PTPRE: variants seen among roughly 807,000 people sequenced by gnomAD.
PTPRE encodes the protein receptor-type tyrosine-protein phosphatase epsilon.
In PTPRE, 51 loss-of-function variants were observed where a neutral mutation model predicts 102.0. The ratio of observed to expected loss-of-function variants is 0.50; its 90% confidence interval spans 0.40 to 0.63. The LOEUF is 0.63. Among genes scored for constraint, PTPRE ranks in the 30% least tolerant of loss-of-function variants. The probability of loss-of-function intolerance (pLI) is 0.00; values close to 1 mark genes in which losing one functional copy is unlikely to be tolerated. For synonymous variants in PTPRE, 345 were observed against 348.2 expected (o/e 0.99, Z 0.10); for missense variants, 752 against 915.1 (o/e 0.82, Z 2.30).
At chr10:128,011,808 C>A (rs1305568404) in intron 2 of PTPRE, among the ~76,000 whole-genome samples, 2 of 152,228 alleles carry the variant, frequency 1.3e-5, no homozygotes, top group African/African-American at 4.8e-5. Flanking sequence ...GTGCCTCACA[C>A]GTGCCAGTTC....
intron 1 of PTPRE, among the ~76,000 whole-genome samples, chr10:127,977,866 G>T (rs940019170): frequency 6.6e-6 from 1 of 152,168 alleles, no homozygotes; most frequent in Non-Finnish European, 1.5e-5. Context: ...CCAGGGCCTT[G>T]TCGGGCTCCC....
intron 1 of PTPRE, among the ~76,000 whole-genome samples, chr10:127,920,937 C>T (rs1169836703): frequency 6.6e-6 from 1 of 152,206 alleles, no homozygotes; most frequent in Non-Finnish European, 1.5e-5. Flanking sequence ...CCCTACAGAT[C>T]AACCCAGACA....
At chr10:127,943,799 G>A (rs558647266) in intron 1 of PTPRE, among the ~76,000 whole-genome samples, 12 of 152,278 alleles carry the variant, frequency 7.9e-5, no homozygotes, top group Non-Finnish European at 1.2e-4. Context: ...ACATTTGCTA[G>A]TCTCAGAACA....
chr10:127,934,878 A>C (rs1847728141), intron 1 of PTPRE: 1 of 152,206 alleles, frequency 6.6e-6, no homozygotes, highest in Non-Finnish European at 1.5e-5. Flanking sequence ...GGTTCCCTTA[A>C]GGCTCCGGCT....
intron 1 of PTPRE, among the ~76,000 whole-genome samples, chr10:127,917,099 T>C (rs922435473): frequency 2.0e-5 from 3 of 151,824 alleles, no homozygotes; most frequent in African/African-American, 7.3e-5. Context: ...ATAGGCAACA[T>C]GACCATGTGG....
intron 2 of PTPRE, among the ~76,000 whole-genome samples, chr10:128,039,468 T>G (rs1210307207): frequency 6.6e-6 from 1 of 152,208 alleles, no homozygotes; most frequent in Non-Finnish European, 1.5e-5. Flanking sequence ...AAAATGTGTG[T>G]TTTGGAAATA....
Position 128,063,262 on chromosome 10 carries a change from T to A in PTPRE, c.723+82T>A. 1.9e-6 allele frequency: 3 copies of A among 1,556,938 alleles called. No individual in the cohort carries two copies. The East Asian group carries it at 7.0e-5, about 36-fold the overall frequency. On this transcript the variant is annotated intron_variant, in intron 10 of 20. Coordinates refer to ENST00000254667, the MANE Select transcript of PTPRE (RefSeq NM_006504.6). ...TGGGGATGTTCTTACCACTTCCTTT[T>A]CCTACTTCCCTCCCTTCCTCCCACT...
At chr10:128,000,841 C>T (rs1278974296) in intron 2 of PTPRE, among the ~76,000 whole-genome samples, 1 of 152,226 alleles carries the variant, frequency 6.6e-6, no homozygotes, top group East Asian at 1.9e-4. Flanking sequence ...GCCTCACTCA[C>T]TTGGGCAACT....
At chr10:127,947,033 A>T (rs1230004429) in intron 1 of PTPRE, among the ~76,000 whole-genome samples, 1 of 152,098 alleles carries the variant, frequency 6.6e-6, no homozygotes, top group Non-Finnish European at 1.5e-5. Context: ...AAAAAAAAAA[A>T]AAAGCTATAT....
rs1270024259 is a variant in PTPRE, at chr10:128,060,988, A to C, written c.561A>C (p.Ser187=). ...ILSQLDGIPC[S]DYINASYIDG... ...GCCAACTGGATGGAATTCCCTGTTC[A>C]GACTACATCAATGCTTCCTACATAG... is the stretch of plus-strand genomic sequence containing the variant. Residue 187 remains serine (S), a synonymous_variant, in exon 8 of 21, where the codon TCA becomes TCC. Coordinates refer to ENST00000254667, the MANE Select transcript of PTPRE (RefSeq NM_006504.6). 6.2e-7 allele frequency: 1 copy of C among 1,614,164 alleles called. No homozygotes were observed. The highest frequency in any genetic ancestry group is 8.5e-7 in the Non-Finnish European group (1 of 1,180,012).
At chr10:128,067,395 C>CAT (rs1554944975) in intron 11 of PTPRE, among the ~76,000 whole-genome samples, 940 of 46,656 alleles carry the variant, frequency 0.02, 16 homozygotes, top group African/African-American at 0.045. Context: ...CATGTGCACA[C>CAT]ACACATACAC....
intron 1 of PTPRE, among the ~76,000 whole-genome samples, chr10:127,964,068 T>C (rs1850049519): frequency 6.6e-6 from 1 of 152,236 alleles, no homozygotes; most frequent in Admixed American, 6.5e-5. Context: ...AGACCACTCC[T>C]TGCAAAGATG....
At position 128,076,592 on chromosome 10, in the gene PTPRE, T is replaced by C. The variant is rs745654246; in HGVS notation, c.1600-11T>C. The stretch of plus-strand genomic sequence containing the variant: ...TATTACAAGACTTAAATTTTTATTT[T>C]ATCCCCTAAGGATAAATGCTACCAG... On this transcript the variant is annotated splice_polypyrimidine_tract_variant and intron_variant, in intron 17 of 20. Coordinates refer to ENST00000254667, the MANE Select transcript of PTPRE (RefSeq NM_006504.6). The C allele has an allele frequency of 6.4e-7, 1 of 1,560,678 alleles. No individual in the cohort carries two copies. The highest frequency in any genetic ancestry group is 8.6e-7 in the Non-Finnish European group (1 of 1,162,368).
At chr10:127,964,304 G>A (rs1222587590) in intron 1 of PTPRE, among the ~76,000 whole-genome samples, 1 of 151,938 alleles carries the variant, frequency 6.6e-6, no homozygotes, top group Non-Finnish European at 1.5e-5. Context: ...AGAGTAGCTG[G>A]GATTACAGGA....
chr10:127,924,149 G>A (rs976615389), intron 1 of PTPRE, among the ~76,000 whole-genome samples: 17 of 152,156 alleles, frequency 1.1e-4, no homozygotes, highest in Admixed American at 4.6e-4. Flanking sequence ...GTTTGTGCTC[G>A]AAATAGGGAC....
At chr10:127,947,779 A>G (rs950811787) in intron 1 of PTPRE, among the ~76,000 whole-genome samples, 1 of 152,126 alleles carries the variant, frequency 6.6e-6, no homozygotes, top group Non-Finnish European at 1.5e-5. Context: ...TCGGACTTAA[A>G]ATTCAGTCTA....
At chr10:127,916,699 G>A (rs1006295917) in intron 1 of PTPRE, among the ~76,000 whole-genome samples, 5 of 152,100 alleles carry the variant, frequency 3.3e-5, no homozygotes, top group African/African-American at 1.2e-4. Context: ...AGGGACAGAG[G>A]GGATGGGACA....
At position 127,982,580 on chromosome 10, in the gene PTPRE, A is replaced by G. The variant is rs149719270; in HGVS notation, c.-8+284A>G. Among the ~76,000 whole-genome samples the G allele has an allele frequency of 2.8e-3, 428 of 151,356 alleles. 2 individuals carry two copies. Among genetic ancestry groups the G allele is most frequent in the African/African-American group, 0.01 (413 of 41,212 alleles). On this transcript the variant is annotated intron_variant, in intron 2 of 20. Coordinates refer to ENST00000254667, the MANE Select transcript of PTPRE (RefSeq NM_006504.6). ...CCTGAAATGTATTGTTGAGGACACA[A>G]TTTCTACATGCTTTCCTTTCACTGA... is the stretch of plus-strand genomic sequence containing the variant.
chr10:128,005,728 G>A (rs1854468697), intron 2 of PTPRE, among the ~76,000 whole-genome samples: 1 of 152,186 alleles, frequency 6.6e-6, no homozygotes, highest in East Asian at 1.9e-4. Flanking sequence ...GGGCAGGCCG[G>A]CCATAAGCCA....
Sources: allele counts gnomAD v4.1 joint callset (sites outside exome capture counted in the v4.1 genomes callset), GRCh38; gene constraint gnomAD v4.1.1; transcripts MANE v1.5; gene names NCBI Gene and HGNC (gene_info 2026-07-23, HGNC 2026-07-21).